MAP4K5: variants seen among roughly 807,000 people sequenced by gnomAD.
The protein encoded by MAP4K5 is MAPK/ERK kinase kinase kinase 5.
A neutral mutation model predicts 135.6 loss-of-function variants in MAP4K5; 82 were observed. That is an observed-to-expected ratio of 0.60 (90% CI 0.51 to 0.73). The LOEUF (loss-of-function observed/expected upper bound fraction) is 0.73. MAP4K5 is among the 30% of genes least tolerant of loss of function. The pLI is 0.00. For missense variants in MAP4K5, 907 were observed against 1,010.9 expected (o/e 0.90, Z 1.39); for synonymous variants, 347 against 335.0 (o/e 1.04, Z -0.39).
At chr14:50,556,120 T>G (rs1298096998) in intron 1 of MAP4K5, among the ~76,000 whole-genome samples, 1 of 152,234 alleles carries the variant, frequency 6.6e-6, no homozygotes, top group East Asian at 1.9e-4. Flanking sequence ...TTTATTCTGA[T>G]TTAAAATGAA....
At chr14:50,499,083 C>T (rs1402240969) in intron 3 of MAP4K5, among the ~76,000 whole-genome samples, 1 of 151,814 alleles carries the variant, frequency 6.6e-6, no homozygotes, top group Non-Finnish European at 1.5e-5. Flanking sequence ...TTTGGCTTTA[C>T]TGACAATGCT....
At chr14:50,435,760 T>C (rs1047254690) in intron 26 of MAP4K5, among the ~76,000 whole-genome samples, 6 of 152,176 alleles carry the variant, frequency 3.9e-5, no homozygotes, top group Non-Finnish European at 8.8e-5. Flanking sequence ...TCATCTTGTA[T>C]GTATTAATTT....
chr14:50,466,281 C>T (rs2036831209), intron 11 of MAP4K5, among the ~76,000 whole-genome samples: 2 of 148,096 alleles, frequency 1.4e-5, no homozygotes, highest in Non-Finnish European at 3.0e-5. Context: ...ACACAAGAGG[C>T]TGAGGAGGGA....
chr14:50,560,149 T>C, intron 1 of MAP4K5: 1 of 1,237,272 alleles, frequency 8.1e-7, no homozygotes, highest in Non-Finnish European at 1.2e-6. Context: ...ATCCTCAGAG[T>C]CTGAGCGAAC....
intron 3 of MAP4K5, among the ~76,000 whole-genome samples, chr14:50,498,688 C>T (rs1306150619): frequency 6.6e-6 from 1 of 152,120 alleles, no homozygotes. Flanking sequence ...ACTTTAATAT[C>T]CTATTTTTCA....
At chr14:50,531,832 A>G (rs2038396480) in intron 2 of MAP4K5, 110 bp downstream of exon 2, 1 of 841,218 alleles carries the variant, frequency 1.2e-6, no homozygotes, top group African/African-American at 1.7e-5. Flanking sequence ...TTTCTCCCCA[A>G]GAGGCAACAA....
intron 1 of MAP4K5, among the ~76,000 whole-genome samples, chr14:50,554,758 G>A (rs2140165254): frequency 6.6e-6 from 1 of 152,310 alleles, no homozygotes; most frequent in East Asian, 1.9e-4. Flanking sequence ...GAGCTATCCT[G>A]CTGCTGCCCA....
At chr14:50,514,647 A>G (rs1258748702) in intron 2 of MAP4K5, among the ~76,000 whole-genome samples, 2 of 152,190 alleles carry the variant, frequency 1.3e-5, no homozygotes, top group Non-Finnish European at 2.9e-5. Context: ...GAGAAAGTAA[A>G]TTTAAACTGA....
At chr14:50,550,551 A>G (rs1393968850) in intron 1 of MAP4K5, among the ~76,000 whole-genome samples, 1 of 152,240 alleles carries the variant, frequency 6.6e-6, no homozygotes, top group East Asian at 1.9e-4. Flanking sequence ...GACTGGTTCA[A>G]CAGCACCAAT....
intron 1 of MAP4K5, chr14:50,559,790 A>G (rs1412920854): frequency 6.3e-6 from 1 of 159,410 alleles, no homozygotes; most frequent in Non-Finnish European, 1.4e-5. Context: ...TATTTTAGCT[A>G]CTTTGGCTAT....
chr14:50,489,907 T>G lies in MAP4K5; in HGVS notation c.167-3713A>C, dbSNP rs559385208. Among the ~76,000 whole-genome samples the G allele has an allele frequency of 4.6e-5, 7 of 152,258 alleles. No individual in the cohort carries two copies. The South Asian group carries it at 1.5e-3, about 32-fold the overall frequency. On this transcript the variant is annotated intron_variant, in intron 3 of 32. Transcript: ENST00000682126. ...TCCTACTGGAAACCTGGCTGCTGAG[T>G]ACATCCTTACACAGGAAAGGGAGAA...
In MAP4K5 at chr14:50,517,011, C is replaced by T. The variant is rs376052096; in HGVS notation, c.109-12154G>A. 3.3e-5 allele frequency among the ~76,000 whole-genome samples: 5 copies of T among 152,232 alleles called. No homozygotes were observed. The South Asian group carries it at 1.0e-3, about 32-fold the overall frequency. ...TGCCATGCCATATAAATTCTAGACCCTTCCCACCAGTCTAGTTATTATTTA... is the reference window on the plus strand; with the variant it reads ...TGCCATGCCATATAAATTCTAGACCTTTCCCACCAGTCTAGTTATTATTTA... On this transcript the variant is annotated intron_variant, in intron 2 of 32. Coordinates refer to ENST00000682126, the MANE Select transcript of MAP4K5 (RefSeq NM_006575.6).
intron 2 of MAP4K5, among the ~76,000 whole-genome samples, chr14:50,541,145 A>C (rs1034913354): frequency 2.6e-5 from 4 of 152,364 alleles, no homozygotes; most frequent in South Asian, 4.1e-4. Flanking sequence ...AATCAGAAGC[A>C]GTTTGCTTTC....
chr14:50,440,781 AT>A (rs1310039824), intron 21 of MAP4K5, among the ~76,000 whole-genome samples: 2 of 152,174 alleles, frequency 1.3e-5, no homozygotes, highest in Non-Finnish European at 2.9e-5. Flanking sequence ...AAAAGTTAAT[AT>A]AAATTATAAA....
At chr14:50,475,585 T>C (rs1482758974) in intron 8 of MAP4K5, among the ~76,000 whole-genome samples, 1 of 152,204 alleles carries the variant, frequency 6.6e-6, no homozygotes, top group Admixed American at 6.5e-5. Flanking sequence ...GATTGTATTG[T>C]AATCCCTGCT....
intron 2 of MAP4K5, among the ~76,000 whole-genome samples, chr14:50,530,996 T>C (rs1462284608): frequency 3.3e-5 from 5 of 152,340 alleles, no homozygotes; most frequent in East Asian, 3.9e-4. Flanking sequence ...GAAGTGTTGT[T>C]TGGCACAATG....
intron 3 of MAP4K5, among the ~76,000 whole-genome samples, chr14:50,498,717 TAA>T (rs1325699321): frequency 1.3e-5 from 2 of 152,234 alleles, no homozygotes; most frequent in Admixed American, 6.5e-5. Flanking sequence ...AAAAGCATGT[TAA>T]GTTTACAGCT....
At chr14:50,469,472 C>A (rs374530905) in intron 9 of MAP4K5, among the ~76,000 whole-genome samples, 1 of 152,064 alleles carries the variant, frequency 6.6e-6, no homozygotes, top group East Asian at 1.9e-4. Context: ...AAAGGTTAGA[C>A]TTTATCATGA....
intron 5 of MAP4K5, 132 bp from the exon 6 acceptor site, chr14:50,482,548 G>GT: frequency 1.7e-6 from 1 of 575,940 alleles, no homozygotes. Flanking sequence ...GGAGGCCAAG[G>GT]CAGGCGGATC....
Sources: allele counts gnomAD v4.1 joint callset (sites outside exome capture counted in the v4.1 genomes callset), GRCh38; gene constraint gnomAD v4.1.1; transcripts MANE v1.5; gene names NCBI Gene and HGNC (gene_info 2026-07-23, HGNC 2026-07-21).